Variants in DPF1 observed in about 807,000 individuals in gnomAD.
DPF1 encodes the protein double PHD fingers 1, also known as zinc finger protein neuro-d4.
A neutral mutation model predicts 58.7 loss-of-function variants in DPF1; 14 were observed. The observed-to-expected ratio is 0.24, with a 90% confidence interval of 0.16 to 0.37. The LOEUF (loss-of-function observed/expected upper bound fraction) is 0.37. DPF1 is among the 10% of genes least tolerant of loss of function. DPF1 has a pLI of 1.00. For synonymous variants in DPF1, 216 were observed against 216.0 expected (o/e 1.00, Z 0.00); for missense variants, 345 against 529.9 (o/e 0.65, Z 3.43).
intron 1 of DPF1, 150 bp downstream of exon 1, chr19:38,223,964 A>G (rs1967685583): frequency 9.5e-7 from 1 of 1,056,696 alleles, no homozygotes; most frequent in Non-Finnish European, 1.2e-6. Flanking sequence ...TCAGAGACCC[A>G]CAGTCACACA....
rs36047300 is a variant in DPF1 at position 38,214,831 on chromosome 19, CTT to C, written c.899-1077_899-1076del. 1.8e-3 allele frequency among the ~76,000 whole-genome samples: 161 copies of C among 89,388 alleles called. 1 individual carries two copies. Among genetic ancestry groups the C allele is most frequent in the East Asian group, 8.8e-3 (27 of 3,052 alleles). 58.6% of individuals were successfully genotyped at this position (89,388 alleles called of 152,430 possible). A position where few individuals can be genotyped will look rare whatever the true frequency, so the allele number is the denominator to read the frequency against. ...AATGGGGTGCGAAACTATGCCCAGCCTTTTTTTTTTTTTTTTTTTTTTGAGAC... is the reference window on the plus strand; with the variant it reads ...AATGGGGTGCGAAACTATGCCCAGCCTTTTTTTTTTTTTTTTTTTTGAGAC... On this transcript the variant is annotated intron_variant, in intron 9 of 11. Transcript: ENST00000355526.
In DPF1 at chr19:38,217,610, A is replaced by G. The variant is rs777024292; in HGVS notation, c.596-19T>C. Reference sequence around the variant, plus strand: ...CCACAGACTGGGGAGCGAGCGAGCCAGGAGGGCCTGTCAGCCCCTCCGGGC... The same window carrying G: ...CCACAGACTGGGGAGCGAGCGAGCCGGGAGGGCCTGTCAGCCCCTCCGGGC... On this transcript the variant is annotated intron_variant, in intron 6 of 11. Transcript: ENST00000355526. 21 of 1,540,212 alleles carry G rather than the reference A, an allele frequency of 1.4e-5. No homozygotes were observed. The South Asian group carries it at 2.4e-4, about 18-fold the overall frequency.
At chr19:38,226,570 C>T (rs1568643111), upstream of DPF1, among the ~76,000 whole-genome samples, 2 of 150,164 alleles carry the variant, frequency 1.3e-5, no homozygotes, top group Non-Finnish European at 3.0e-5. Context: ...TCCACAAACT[C>T]GCCCATCTAA....
Position 38,222,026 on chromosome 19 carries a change from A to G in DPF1, c.298+331T>C, listed in dbSNP as rs116674105. On this transcript the variant is annotated intron_variant, in intron 3 of 11. Coordinates refer to ENST00000355526, the MANE Select transcript of DPF1 (RefSeq NM_001135155.3). The surrounding 1 kb of genome is among the most constrained non-coding windows in gnomAD (Gnocchi z 4.9). ...CTGCTAGGCGGAAGTTGCGGGTTCAAGGTTCAACTCCCCGCTAGGTGGAGG... is the reference window on the plus strand; with the variant it reads ...CTGCTAGGCGGAAGTTGCGGGTTCAGGGTTCAACTCCCCGCTAGGTGGAGG... Among the ~76,000 whole-genome samples the G allele has an allele frequency of 0.01, 1,590 of 152,156 alleles. 26 individuals carry two copies. The highest frequency in any genetic ancestry group is 0.036 in the African/African-American group (1,511 of 41,522).
chr19:38,218,464 T>C, intron 5 of DPF1, 109 bp downstream of exon 5: 1 of 1,153,860 alleles, frequency 8.7e-7, no homozygotes, highest in African/African-American at 1.5e-5. Context: ...GGGGATTCAA[T>C]GAGGTCAGAC....
At chr19:38,218,432 C>T in intron 5 of DPF1, 141 bp downstream of exon 5, 1 of 796,418 alleles carries the variant, frequency 1.3e-6, no homozygotes, top group South Asian at 1.7e-5. Context: ...GTATAAAATC[C>T]CCCACCCCTG....
intron 9 of DPF1, among the ~76,000 whole-genome samples, chr19:38,215,472 G>A (rs1301443445): frequency 2.7e-5 from 4 of 150,640 alleles, no homozygotes; most frequent in Non-Finnish European, 4.4e-5. Flanking sequence ...CAGCCTGGGT[G>A]ACAGAGGGAG....
In DPF1 at chr19:38,224,004, G is replaced by A; in HGVS notation, c.29+110C>T. The A allele has an allele frequency of 7.6e-7, 1 of 1,322,032 alleles. No individual in the cohort carries two copies. Among genetic ancestry groups the A allele is most frequent in the Middle Eastern group, 2.2e-4 (1 of 4,520 alleles). The allele number at this position is 1,322,032 out of a possible 1,614,324, so 81.9% of individuals were successfully genotyped here. Reference sequence around the variant, plus strand: ...CGCACCCCCGCGCAGCCCCGCACTCGGTGACAGCCCCCCAGACACCCCTTC... The same window carrying A: ...CGCACCCCCGCGCAGCCCCGCACTCAGTGACAGCCCCCCAGACACCCCTTC... On this transcript the variant is annotated intron_variant, in intron 1 of 11. Transcript: ENST00000355526. The surrounding 1 kb of genome is among the most constrained non-coding windows in gnomAD (Gnocchi z 4.5).
At position 38,212,294 on chromosome 19, in the gene DPF1, G is replaced by A. The variant is rs1973503394; in HGVS notation, c.1079C>T (p.Ala360Val). ...YHMYCLSPPM[A>V]EPPEGSWSCH... ...TCTCCTCTCACCTTCCGGGGGCTCCGCCATGGGGGGACTCAGGCAGTACAT... is the reference window on the plus strand; with the variant it reads ...TCTCCTCTCACCTTCCGGGGGCTCCACCATGGGGGGACTCAGGCAGTACAT... The change falls in exon 11 of 12, where the codon GCG becomes GTG. Residue 360 changes from alanine (A) to valine (V), a missense_variant. Physicochemically the swap from Ala to Val is moderately conservative, Grantham distance 64. Transcript: ENST00000355526. 2 of 1,413,880 alleles carry A rather than the reference G, an allele frequency of 1.4e-6. No individual in the cohort carries two copies. The highest frequency in any genetic ancestry group is 1.9e-6 in the Non-Finnish European group (2 of 1,081,062). The allele number at this position is 1,413,880 out of a possible 1,614,324, so 87.6% of individuals were successfully genotyped here.
Position 38,216,245 on chromosome 19 carries a change from C to T in DPF1, c.793G>A (p.Asp265Asn), listed in dbSNP as rs1257922405. The T allele has an allele frequency of 1.2e-6, 2 of 1,614,028 alleles. No homozygotes were observed. Among genetic ancestry groups the T allele is most frequent in the African/African-American group, 2.7e-5 (2 of 74,938 alleles). Residue 265 changes from aspartate (D) to asparagine (N), a missense_variant, in exon 9 of 12, where the codon GAC (aspartate) becomes AAC (asparagine). Physicochemically the swap from Asp to Asn is conservative, Grantham distance 23 (BLOSUM62 1). Coordinates refer to ENST00000355526, the MANE Select transcript of DPF1 (RefSeq NM_001135155.3). Reference protein sequence around the residue: ...QRKHTAKKAPDGTVIPNGYCD... With the variant: ...QRKHTAKKAPNGTVIPNGYCD... ...TAGCCGTTGGGGATGACAGTGCCGT[C>T]GGGCGCCTTCTTGGCTGCAAGACAG... is the stretch of plus-strand genomic sequence containing the variant.
upstream of DPF1, among the ~76,000 whole-genome samples, chr19:38,226,591 G>T (rs140990148): frequency 4.9e-3 from 736 of 150,704 alleles, 10 homozygotes; most frequent in African/African-American, 0.017. Context: ...GCCAGGTAAG[G>T]TCTTGGCCGG....
chr19:38,228,362 G>A (rs1967912211), upstream of DPF1, among the ~76,000 whole-genome samples: 1 of 151,898 alleles, frequency 6.6e-6, no homozygotes, highest in Admixed American at 6.6e-5. Flanking sequence ...TCTCGTGGGT[G>A]GGGTAGGGGG....
Position 38,211,199 on chromosome 19 carries a change from A to T in DPF1, c.*864T>A, listed in dbSNP as rs1973381792. 6.6e-6 allele frequency: 1 copy of T among 151,198 alleles called. No homozygotes were observed. The highest frequency in any genetic ancestry group is 1.5e-5 in the Non-Finnish European group (1 of 67,860). 9.4% of individuals were successfully genotyped at this position (151,198 alleles called of 1,614,324 possible). ...AAAACCCGAACAACAAACACACACA[A>T]CCACAAGAAACAACCACGCCCCCTC... On this transcript the variant is annotated 3_prime_UTR_variant, in exon 12 of 12. Coordinates refer to ENST00000355526, the MANE Select transcript of DPF1 (RefSeq NM_001135155.3). This position sits in a 1 kb window ranked among gnomAD's most constrained non-coding sequence, Gnocchi z 4.0.
rs1967704508 is a variant in DPF1, at chr19:38,224,152, C to T, written c.-10G>A. On this transcript the variant is annotated 5_prime_UTR_variant, in exon 1 of 12. Transcript: ENST00000355526. The surrounding 1 kb of genome is among the most constrained non-coding windows in gnomAD (Gnocchi z 4.5). ...GGATGACAGTGGCCATCTTGCTCCC[C>T]GGGTCCTGCCCCCAGCAGGTCCCCG... is the stretch of plus-strand genomic sequence containing the variant. The T allele has an allele frequency of 3.4e-6, 5 of 1,471,838 alleles. No homozygotes were observed. The highest frequency in any genetic ancestry group is 4.5e-6 in the Non-Finnish European group (5 of 1,119,786). The allele number at this position is 1,471,838 out of a possible 1,614,324, so 91.2% of individuals were successfully genotyped here. A position where few individuals can be genotyped will look rare whatever the true frequency, so the allele number is the denominator to read the frequency against.
chr19:38,214,018 A>G (rs1973663729), intron 9 of DPF1: 3 of 485,214 alleles, frequency 6.2e-6, no homozygotes. Flanking sequence ...TCCATTACCC[A>G]CAGTGCTGTG....
In DPF1 at chr19:38,213,675, G is replaced by C. The variant is rs762710050; in HGVS notation, c.980C>G (p.Ser327Cys). The change falls in exon 10 of 12, where the codon TCC (serine) becomes TGC (cysteine). Residue 327 changes from serine (S) to cysteine (C), a missense_variant. Physicochemically the swap from Ser to Cys is moderately radical, Grantham distance 112. Transcript: ENST00000355526. ...TYRWQCIECK[S>C]CSLCGTSEND... ...CTCGGAGGTTCCGCACAGGCTGCAG[G>C]ATTTGCACTCGATGCACTGCCAGCG... 2.5e-6 allele frequency: 4 copies of C among 1,613,888 alleles called. No homozygotes were observed. Among genetic ancestry groups the C allele is most frequent in the Non-Finnish European group, 3.4e-6 (4 of 1,179,848 alleles).
chr19:38,224,503 A>C (rs1384737931), upstream of DPF1, among the ~76,000 whole-genome samples: 1 of 152,018 alleles, frequency 6.6e-6, no homozygotes, highest in Non-Finnish European at 1.5e-5. This position sits in a 1 kb window ranked among gnomAD's most constrained non-coding sequence, Gnocchi z 4.5. Context: ...GCGGATACTC[A>C]CAGCCTCCCA....
intron 9 of DPF1, among the ~76,000 whole-genome samples, chr19:38,214,831 C>CTTT (rs36047300): frequency 4.6e-4 from 41 of 89,406 alleles, no homozygotes; most frequent in African/African-American, 6.1e-4. Context: ...TATGCCCAGC[C>CTTT]TTTTTTTTTT....
Position 38,216,417 on chromosome 19 carries a change from G to A in DPF1, c.728-14C>T. 5 of 1,570,798 alleles carry A rather than the reference G, an allele frequency of 3.2e-6. No individual in the cohort carries two copies. The highest frequency in any genetic ancestry group is 2.2e-5 in the East Asian group (1 of 44,486). ...CTTTGTAAAACTCTGGGGTAGGGGG[G>A]ACAGAGAGAGGGACTCTCACCACAG... On this transcript the variant is annotated splice_polypyrimidine_tract_variant and intron_variant, in intron 7 of 11. Coordinates refer to ENST00000355526, the MANE Select transcript of DPF1 (RefSeq NM_001135155.3).
Sources: allele counts gnomAD v4.1 joint callset (sites outside exome capture counted in the v4.1 genomes callset), GRCh38; gene constraint gnomAD v4.1.1; non-coding constraint Gnocchi (gnomAD v3.1); transcripts MANE v1.5; gene names NCBI Gene and HGNC (gene_info 2026-07-23, HGNC 2026-07-21).